Variants in MACROH2A2 observed in about 807,000 individuals in gnomAD.
MACROH2A2 encodes macroH2A.2 histone, also known as core histone macro-H2A.2.
MACROH2A2 carries 6 observed loss-of-function variants against 37.6 expected under a neutral mutation model. The ratio of observed to expected loss-of-function variants is 0.16; its 90% CI spans 0.09 to 0.32. MACROH2A2 has a LOEUF of 0.32. Ranked by LOEUF, MACROH2A2 falls within the 10% of genes least tolerant of loss-of-function variation. MACROH2A2 has a pLI of 1.00. For synonymous variants in MACROH2A2, 192 were observed against 202.7 expected, an observed-to-expected ratio of 0.95 and a Z score of 0.45; for missense variants, 290 against 485.9, an observed-to-expected ratio of 0.60 and a Z score of 3.79.
intron 2 of MACROH2A2, among the ~76,000 whole-genome samples, chr10:70,086,623 G>C (rs1018975657): frequency 1.3e-5 from 2 of 152,200 alleles, no homozygotes; most frequent in Non-Finnish European, 2.9e-5. Context: ...CAGTTAATTT[G>C]ATGAACTTGG....
At chr10:70,102,438 C>A (rs995240940) in intron 7 of MACROH2A2, among the ~76,000 whole-genome samples, 6 of 152,070 alleles carry the variant, frequency 3.9e-5, no homozygotes, top group Non-Finnish European at 8.8e-5. Flanking sequence ...AAAAGTAGGG[C>A]CCAGGTACTG....
intron 2 of MACROH2A2, among the ~76,000 whole-genome samples, chr10:70,082,426 AAAAAGAAAAAAG>A (rs1303773736): frequency 1.3e-5 from 2 of 152,106 alleles, no homozygotes; most frequent in African/African-American, 2.4e-5. Flanking sequence ...CAAAAAAAAA[AAAAAGAAAAAAG>A]AAAAGAAAGA....
rs2072345886 is a variant in MACROH2A2, at chr10:70,107,610, T to C, written c.779-1423T>C. ...CGAGCTTAGCAGCCACGGGGCTTTA[T>C]CAACTCTGTCACCAATGGGAACCAC... is the stretch of plus-strand genomic sequence containing the variant. On this transcript the variant is annotated intron_variant, in intron 7 of 8. Transcript: ENST00000373255. The surrounding 1 kb of genome is among the most constrained non-coding windows in gnomAD (Gnocchi z 4.4). Among the ~76,000 whole-genome samples the C allele has an allele frequency of 6.6e-6, 1 of 152,210 alleles. No individual in the cohort carries two copies. Among genetic ancestry groups the C allele is most frequent in the Non-Finnish European group, 1.5e-5 (1 of 68,038 alleles).
intron 1 of MACROH2A2, among the ~76,000 whole-genome samples, chr10:70,061,963 A>G (rs1038376488): frequency 3.3e-5 from 5 of 152,222 alleles, no homozygotes; most frequent in African/African-American, 1.2e-4. Flanking sequence ...GTATTATACT[A>G]TAATGATTTG....
chr10:70,104,176 A>G (rs2072322960), intron 7 of MACROH2A2, among the ~76,000 whole-genome samples: 1 of 152,212 alleles, frequency 6.6e-6, no homozygotes, highest in African/African-American at 2.4e-5. Context: ...TAAAAACACC[A>G]TCAGTTGTTA....
intron 1 of MACROH2A2, among the ~76,000 whole-genome samples, chr10:70,059,663 G>A (rs750668114): frequency 1.5e-4 from 23 of 152,056 alleles, no homozygotes; most frequent in Non-Finnish European, 3.1e-4. Flanking sequence ...GAGCCACCGC[G>A]CCTGGCCTCC....
At chr10:70,065,444 G>A (rs2072073962) in intron 1 of MACROH2A2, among the ~76,000 whole-genome samples, 1 of 152,148 alleles carries the variant, frequency 6.6e-6, no homozygotes, top group Non-Finnish European at 1.5e-5. Context: ...AGCCTACATG[G>A]AAGTGAAAGA....
intron 2 of MACROH2A2, among the ~76,000 whole-genome samples, chr10:70,088,565 A>G (rs2072225647): frequency 6.6e-6 from 1 of 152,214 alleles, no homozygotes; most frequent in Admixed American, 6.5e-5. Context: ...GCTTTAGGAA[A>G]ATTTCTTCTT....
chr10:70,097,820 T>G (rs1564546781), intron 6 of MACROH2A2, among the ~76,000 whole-genome samples: 1 of 152,176 alleles, frequency 6.6e-6, no homozygotes, highest in Non-Finnish European at 1.5e-5. Flanking sequence ...TCTTAAACAT[T>G]TGTTTAAGCC....
At chr10:70,078,086 C>T (rs1002453265) in intron 2 of MACROH2A2, among the ~76,000 whole-genome samples, 3 of 152,206 alleles carry the variant, frequency 2.0e-5, no homozygotes, top group Non-Finnish European at 4.4e-5. Context: ...AAGTCTAATC[C>T]GTGCATATAC....
At chr10:70,101,973 C>T (rs1026256543) in intron 7 of MACROH2A2, among the ~76,000 whole-genome samples, 1 of 152,090 alleles carries the variant, frequency 6.6e-6, no homozygotes, top group Non-Finnish European at 1.5e-5. Flanking sequence ...ATCTCTTGTC[C>T]AGGATATTGG....
chr10:70,101,997 A>G (rs950376386), intron 7 of MACROH2A2, among the ~76,000 whole-genome samples: 6 of 152,178 alleles, frequency 3.9e-5, no homozygotes, highest in Non-Finnish European at 8.8e-5. Flanking sequence ...ACTTTTTGAC[A>G]GGTGGATTCA....
chr10:70,107,039 C>G lies in MACROH2A2; in HGVS notation c.779-1994C>G, dbSNP rs1472207106. Among the ~76,000 whole-genome samples the G allele has an allele frequency of 6.6e-6, 1 of 152,118 alleles. No homozygotes were observed. Among genetic ancestry groups the G allele is most frequent in the Non-Finnish European group, 1.5e-5 (1 of 68,030 alleles). On this transcript the variant is annotated intron_variant, in intron 7 of 8. Coordinates refer to ENST00000373255, the MANE Select transcript of MACROH2A2 (RefSeq NM_018649.3). This position sits in a 1 kb window ranked among gnomAD's most constrained non-coding sequence, Gnocchi z 4.4. ...AGTTTTAGGGGCATCATTGTTCAGT[C>G]CAAAGAGGGACACTCTGCTTCTGGT...
chr10:70,097,446 C>T (rs1364189493), intron 6 of MACROH2A2, among the ~76,000 whole-genome samples: 1 of 152,178 alleles, frequency 6.6e-6, no homozygotes, highest in East Asian at 1.9e-4. Flanking sequence ...CATTACGATT[C>T]CATTTTCCAC....
rs1199674820 is a variant in MACROH2A2 at position 70,107,730 on chromosome 10, ACT to A, written c.779-1298_779-1297del. 6.6e-6 allele frequency among the ~76,000 whole-genome samples: 1 copy of A among 152,052 alleles called. No individual in the cohort carries two copies. The highest frequency in any genetic ancestry group is 2.4e-5 in the African/African-American group (1 of 41,394). ...TTTCACAGCCCGCTTTTGAAACCCC[ACT>A]CTCTGCAGGGCATGTGGAGATCATC... On this transcript the variant is annotated intron_variant, in intron 7 of 8. Transcript: ENST00000373255. The surrounding 1 kb of genome is among the most constrained non-coding windows in gnomAD (Gnocchi z 4.4).
chr10:70,065,897 G>C (rs1362998586), intron 1 of MACROH2A2, among the ~76,000 whole-genome samples: 1 of 152,168 alleles, frequency 6.6e-6, no homozygotes, highest in Non-Finnish European at 1.5e-5. Context: ...ATGCTGAGCA[G>C]GGTTCAATGA....
At chr10:70,055,076 A>G (rs4746946) in intron 1 of MACROH2A2, among the ~76,000 whole-genome samples, 75,749 of 152,068 alleles carry the variant, frequency 0.5, 19,147 homozygotes, top group East Asian at 0.66. Flanking sequence ...GGATTTTTAA[A>G]GCGCCTCTGG....
At chr10:70,099,559 C>T (rs1301781157) in intron 6 of MACROH2A2, 2 of 152,212 alleles carry the variant, frequency 1.3e-5, no homozygotes, top group African/African-American at 4.8e-5. Context: ...TGGTGCACAC[C>T]GACAGGGTTC....
intron 1 of MACROH2A2, among the ~76,000 whole-genome samples, chr10:70,062,807 C>T (rs571712856): frequency 1.3e-5 from 2 of 152,212 alleles, no homozygotes; most frequent in Non-Finnish European, 2.9e-5. Flanking sequence ...TATGTTCTCA[C>T]CCATAAGTGG....
Sources: allele counts gnomAD v4.1 joint callset (sites outside exome capture counted in the v4.1 genomes callset), GRCh38; gene constraint gnomAD v4.1.1; non-coding constraint Gnocchi (gnomAD v3.1); transcripts MANE v1.5; gene names NCBI Gene and HGNC (gene_info 2026-07-23, HGNC 2026-07-21).